FHDC1: variants seen among roughly 807,000 people sequenced by gnomAD.
FHDC1 encodes the protein FH2 domain containing 1, also known as FH2 domain-containing protein 1.
A neutral mutation model predicts 52.6 loss-of-function variants in FHDC1; 25 were observed. The ratio of observed to expected loss-of-function variants is 0.48; its 90% CI spans 0.35 to 0.66. The LOEUF is 0.66. Ranked by LOEUF, FHDC1 falls within the 30% of genes least tolerant of loss-of-function variation. The pLI is 0.01. For missense variants in FHDC1, 1,459 were observed against 1,452.8 expected, an observed-to-expected ratio of 1.00 and a Z score of -0.07; for synonymous variants, 616 against 581.5, an observed-to-expected ratio of 1.06 and a Z score of -0.85.
the FHDC1 span, among the ~76,000 whole-genome samples, chr4:152,931,001 T>A: frequency 0.095 from 6,822 of 71,776 alleles, 202 homozygotes; most frequent in African/African-American, 0.16. Context: ...ACACACACTC[T>A]CTCTCTCTCT....
chr4:152,949,442 C>T (rs1361010796), intron 2 of FHDC1, among the ~76,000 whole-genome samples: 10 of 151,242 alleles, frequency 6.6e-5, no homozygotes, highest in East Asian at 3.9e-4. Context: ...ATCACACCAC[C>T]GCACTCCAGC....
intron 6 of FHDC1, among the ~76,000 whole-genome samples, chr4:152,962,279 C>T (rs543987024): frequency 6.6e-6 from 1 of 152,162 alleles, no homozygotes; most frequent in African/African-American, 2.4e-5. Context: ...AAAAGATTCC[C>T]TGGATGCCTG....
chr4:152,936,175 A>AGGGG (rs1289956530), upstream of FHDC1, among the ~76,000 whole-genome samples: 1 of 151,864 alleles, frequency 6.6e-6, no homozygotes, highest in East Asian at 2.0e-4. Context: ...GTAGGGTGGA[A>AGGGG]GGGGAGGCGA....
chr4:152,949,124 TAAGAAGAAG>T (rs201070214), intron 2 of FHDC1, among the ~76,000 whole-genome samples: 1,202 of 74,616 alleles, frequency 0.016, 13 homozygotes, highest in South Asian at 0.059. Flanking sequence ...ATAATAATAA[TAAGAAGAAG>T]AAGAAGAAGA....
In FHDC1 at chr4:152,975,976, C is replaced by T. The variant is rs1325710788; in HGVS notation, c.2685C>T (p.Thr895=). 2.6e-6 allele frequency: 4 copies of T among 1,522,480 alleles called. No individual in the cohort carries two copies. Among genetic ancestry groups the T allele is most frequent in the East Asian group, 2.3e-5 (1 of 44,126 alleles). 94.3% of individuals were successfully genotyped at this position (1,522,480 alleles called of 1,614,324 possible). A position where few individuals can be genotyped will look rare whatever the true frequency, so the allele number is the denominator to read the frequency against. Reference sequence around the variant, plus strand: ...TGGCCAAGTCTGTGCGGACCCTGACCGCCTCAGAGAACGAGAGCATGCGCA... The same window carrying T: ...TGGCCAAGTCTGTGCGGACCCTGACTGCCTCAGAGAACGAGAGCATGCGCA... The part of the protein sequence containing the change: ...GAVAKSVRTL[T]ASENESMRKV... The change falls in exon 12 of 12, where the codon ACC becomes ACT. Residue 895 remains threonine, a synonymous_variant. Transcript: ENST00000511601.
At chr4:152,959,547 A>G (rs1252489287) in intron 4 of FHDC1, among the ~76,000 whole-genome samples, 1 of 152,176 alleles carries the variant, frequency 6.6e-6, no homozygotes, top group African/African-American at 2.4e-5. Flanking sequence ...ATAGCAGACA[A>G]CTGTAATCCT....
chr4:152,968,824 C>G (rs1325418678), intron 10 of FHDC1, among the ~76,000 whole-genome samples: 1 of 152,148 alleles, frequency 6.6e-6, no homozygotes, highest in Non-Finnish European at 1.5e-5. Flanking sequence ...CCACAGAAAT[C>G]AAGATGCCTT....
intron 2 of FHDC1, among the ~76,000 whole-genome samples, chr4:152,952,184 TG>T (rs1739947272): frequency 6.6e-6 from 1 of 152,194 alleles, no homozygotes; most frequent in African/African-American, 2.4e-5. Context: ...ACTTTTTGAA[TG>T]AAATGAAATT....
At chr4:152,924,781 A>G in the FHDC1 span, among the ~76,000 whole-genome samples, 1 of 147,274 alleles carries the variant, frequency 6.8e-6, no homozygotes, top group Non-Finnish European at 1.5e-5. Context: ...AACACCGCAT[A>G]TTCTCACTTA....
chr4:152,958,499 C>CT (rs1166325455), intron 4 of FHDC1, among the ~76,000 whole-genome samples: 1 of 119,080 alleles, frequency 8.4e-6, no homozygotes, highest in South Asian at 3.7e-4. Context: ...GAAATCCATA[C>CT]ATTTTTTTTA....
the FHDC1 span, chr4:152,928,027 CCT>C: frequency 6.9e-7 from 1 of 1,453,618 alleles, no homozygotes; most frequent in African/African-American, 1.4e-5. Flanking sequence ...GAAACACCTC[CCT>C]GAGTGGCTCC....
intron 10 of FHDC1, among the ~76,000 whole-genome samples, chr4:152,970,635 C>T (rs1298571565): frequency 6.6e-6 from 1 of 152,162 alleles, no homozygotes; most frequent in Non-Finnish European, 1.5e-5. Context: ...GAATGACAGG[C>T]AAAGATTTAT....
rs1579111566 is a variant in FHDC1, at chr4:152,978,383, A to G, written c.*1660A>G. ...CTCTGTCTCTTAATAATAGTTTTTA[A>G]CGTGGACATCTCTTCCTTGGTACAG... On this transcript the variant is annotated 3_prime_UTR_variant, in exon 12 of 12. Coordinates refer to ENST00000511601, the MANE Select transcript of FHDC1 (RefSeq NM_001371116.1). 2.0e-5 allele frequency: 3 copies of G among 152,128 alleles called. No individual in the cohort carries two copies. Among genetic ancestry groups the G allele is most frequent in the African/African-American group, 7.2e-5 (3 of 41,426 alleles). 9.4% of individuals were successfully genotyped at this position (152,128 alleles called of 1,614,324 possible).
chr4:152,974,456 A>G (rs917232995), intron 11 of FHDC1, among the ~76,000 whole-genome samples: 2 of 149,858 alleles, frequency 1.3e-5, no homozygotes, highest in South Asian at 4.2e-4. Flanking sequence ...TCAGATCCCT[A>G]GTAGCTTTGA....
intron 10 of FHDC1, among the ~76,000 whole-genome samples, chr4:152,968,885 C>T (rs1740548259): frequency 6.6e-6 from 1 of 152,124 alleles, no homozygotes; most frequent in Admixed American, 6.5e-5. Flanking sequence ...AAACAAGCTG[C>T]GTTTTGGCAT....
At chr4:152,913,250 A>T in the FHDC1 span, among the ~76,000 whole-genome samples, 85 of 152,354 alleles carry the variant, frequency 5.6e-4, 2 homozygotes, top group East Asian at 0.015. Context: ...AAATGGCTTC[A>T]TACTAGGTAG....
At chr4:152,928,507 A>G in the FHDC1 span, among the ~76,000 whole-genome samples, 1 of 152,230 alleles carries the variant, frequency 6.6e-6, no homozygotes, top group Non-Finnish European at 1.5e-5. Context: ...CCCTAGGAGA[A>G]TAGGCACCGG....
intron 5 of FHDC1, 43 bp downstream of exon 5, chr4:152,960,693 T>C: frequency 1.9e-6 from 3 of 1,611,854 alleles, no homozygotes; most frequent in Non-Finnish European, 2.5e-6. Context: ...CGCAGTAAGA[T>C]TTTTAAACTA....
the FHDC1 span, chr4:152,912,288 A>C: frequency 6.6e-6 from 1 of 152,200 alleles, no homozygotes; most frequent in Non-Finnish European, 1.5e-5. Flanking sequence ...GAAAAGAATT[A>C]GAAGAAAATT....
Sources: gnomAD v4.1 joint callset for allele counts (sites outside exome capture counted in the v4.1 genomes callset) on GRCh38, gnomAD v4.1.1 for gene constraint, MANE v1.5 for transcripts, NCBI Gene and HGNC (gene_info 2026-07-23, HGNC 2026-07-21) for gene names.